Variants in ETFA observed in about 807,000 individuals in gnomAD.
ETFA encodes the protein electron transfer flavoprotein subunit alpha, also known as electron transfer flavoprotein subunit alpha, mitochondrial.
ETFA carries 22 observed loss-of-function variants against 46.2 expected under a neutral mutation model. The observed-to-expected ratio is 0.48, with a 90% CI of 0.34 to 0.68. ETFA has a LOEUF of 0.68. Among genes scored for constraint, ETFA ranks in the 30% least tolerant of loss-of-function variants. The pLI is 0.01. For missense variants in ETFA, 345 were observed against 401.1 expected (o/e 0.86, Z 1.19); for synonymous variants, 131 against 139.9 (o/e 0.94, Z 0.45).
intron 10 of ETFA, chr15:76,227,807 C>T (rs771592466): frequency 2.2e-6 from 1 of 455,940 alleles, no homozygotes; most frequent in Admixed American, 2.3e-5. Flanking sequence ...GGATATCCAA[C>T]ATCTGTGTAT....
chr15:76,216,688 AAC>A, intron 11 of ETFA, 91 bp from the exon 12 acceptor site: 2 of 864,732 alleles, frequency 2.3e-6, no homozygotes, highest in Non-Finnish European at 4.0e-6. Flanking sequence ...GGCCAAAAGA[AAC>A]AACACAAATC....
intron 11 of ETFA, among the ~76,000 whole-genome samples, chr15:76,219,614 C>T (rs183275306): frequency 2.2e-4 from 34 of 152,260 alleles, no homozygotes; most frequent in South Asian, 2.1e-4. Flanking sequence ...GTAAAGAATT[C>T]ACACAAGTCA....
chr15:76,259,457 C>G (rs1166795224), intron 9 of ETFA: 5 of 950,568 alleles, frequency 5.3e-6, no homozygotes, highest in Non-Finnish European at 8.7e-6. Context: ...ACTCTGGAAG[C>G]TGTTTCAGGT....
rs535013760 is a variant in ETFA at position 76,300,977 on chromosome 15, CT to C, written c.40-5241del. 1.4e-3 allele frequency among the ~76,000 whole-genome samples: 215 copies of C among 152,290 alleles called. 1 individual carries two copies. The highest frequency in any genetic ancestry group is 4.9e-3 in the African/African-American group (204 of 41,552). On this transcript the variant is annotated intron_variant, in intron 1 of 11. Transcript: ENST00000557943. ...TACAGTTGCAGTGGTAGAGTACAGG[CT>C]TTGGAGCCAGCCACGTTGCCTGGGT...
chr15:76,288,084 T>C, intron 4 of ETFA, 139 bp from the exon 5 acceptor site: 4 of 662,872 alleles, frequency 6.0e-6, no homozygotes, highest in Non-Finnish European at 1.1e-5. Flanking sequence ...CACCTTTGGA[T>C]ACACAACTTC....
At chr15:76,259,883 A>C (rs1051417079) in intron 9 of ETFA, 3 of 1,295,954 alleles carry the variant, frequency 2.3e-6, no homozygotes, top group Admixed American at 3.4e-5. Context: ...CCCATGCTTC[A>C]TGAAGGGCAA....
At chr15:76,303,564 T>C (rs1192971257) in intron 1 of ETFA, among the ~76,000 whole-genome samples, 1 of 152,096 alleles carries the variant, frequency 6.6e-6, no homozygotes, top group Non-Finnish European at 1.5e-5. Flanking sequence ...CTGCAAACTA[T>C]GCATCTGACA....
At chr15:76,220,270 G>C (rs2038944674) in intron 11 of ETFA, among the ~76,000 whole-genome samples, 2 of 152,296 alleles carry the variant, frequency 1.3e-5, no homozygotes, top group South Asian at 4.1e-4. Flanking sequence ...GTTTCGCCTT[G>C]TTGGCCAGGC....
intron 4 of ETFA, 84 bp from the exon 5 acceptor site, chr15:76,288,029 C>G (rs2039718812): frequency 1.1e-6 from 1 of 870,356 alleles, no homozygotes; most frequent in Admixed American, 1.8e-5. Flanking sequence ...ATTCTAAATG[C>G]ATATTCTGTA....
At chr15:76,278,783 C>T (rs1850722) in intron 8 of ETFA, among the ~76,000 whole-genome samples, 39,646 of 152,110 alleles carry the variant, frequency 0.26, 5,828 homozygotes, top group East Asian at 0.57. Context: ...TTTCCACATG[C>T]TCCAAGTAAC....
intron 8 of ETFA, among the ~76,000 whole-genome samples, chr15:76,277,571 T>G (rs1408026963): frequency 1.3e-5 from 2 of 152,036 alleles, no homozygotes; most frequent in Admixed American, 1.3e-4. Context: ...GGTACGATCT[T>G]GGCTCACTGC....
At chr15:76,263,227 G>GC (rs934368615) in intron 9 of ETFA, among the ~76,000 whole-genome samples, 1 of 152,142 alleles carries the variant, frequency 6.6e-6, no homozygotes, top group African/African-American at 2.4e-5. Flanking sequence ...ACTAGCGTTG[G>GC]CCCCCTGGTC....
chr15:76,221,691 T>G (rs1240636167), intron 11 of ETFA, among the ~76,000 whole-genome samples: 1 of 152,222 alleles, frequency 6.6e-6, no homozygotes, highest in Non-Finnish European at 1.5e-5. Flanking sequence ...AGAGGTAGTG[T>G]AATATTTACA....
At chr15:76,282,374 G>A (rs772612099) in intron 8 of ETFA, among the ~76,000 whole-genome samples, 57 of 152,278 alleles carry the variant, frequency 3.7e-4, no homozygotes, top group Non-Finnish European at 8.8e-5. Context: ...AGCCCCCAGA[G>A]GGAGTATGGC....
intron 1 of ETFA, among the ~76,000 whole-genome samples, chr15:76,307,611 C>A (rs142170312): frequency 2.6e-5 from 4 of 152,084 alleles, no homozygotes; most frequent in Non-Finnish European, 5.9e-5. Context: ...CTCAGCCTCC[C>A]AAGTAGCTGG....
At chr15:76,256,309 TG>T (rs2039345653) in intron 9 of ETFA, among the ~76,000 whole-genome samples, 1 of 151,414 alleles carries the variant, frequency 6.6e-6, no homozygotes, top group African/African-American at 2.4e-5. Context: ...ATCTTGACCT[TG>T]GATTACATGT....
intron 11 of ETFA, among the ~76,000 whole-genome samples, chr15:76,224,656 G>A (rs764878248): frequency 6.6e-6 from 1 of 152,170 alleles, no homozygotes; most frequent in African/African-American, 2.4e-5. Flanking sequence ...CTGTTCTCAG[G>A]CTGAAGCCTC....
chr15:76,280,919 T>TG (rs1157808320), intron 8 of ETFA, among the ~76,000 whole-genome samples: 1 of 144,974 alleles, frequency 6.9e-6, no homozygotes, highest in Non-Finnish European at 1.5e-5. Flanking sequence ...TCAGATGTCT[T>TG]TTTTTTTTTT....
At chr15:76,263,931 C>T (rs1022034357) in intron 9 of ETFA, among the ~76,000 whole-genome samples, 26 of 152,200 alleles carry the variant, frequency 1.7e-4, no homozygotes, top group Non-Finnish European at 2.1e-4. Context: ...TCCTCTCTCC[C>T]CCTTACTGGG....
Sources: allele counts gnomAD v4.1 joint callset (sites outside exome capture counted in the v4.1 genomes callset), GRCh38; gene constraint gnomAD v4.1.1; transcripts MANE v1.5; gene names NCBI Gene and HGNC (gene_info 2026-07-23, HGNC 2026-07-21).